TTC6: variants seen among roughly 807,000 people sequenced by gnomAD.
TTC6 encodes the protein tetratricopeptide repeat domain 6.
A neutral mutation model predicts 210.4 loss-of-function variants in TTC6; 172 were observed. The observed-to-expected ratio is 0.82, with a 90% CI of 0.72 to 0.93. The LOEUF (loss-of-function observed/expected upper bound fraction) is 0.93, where lower values mean the gene tolerates loss of function less well. Among genes scored for constraint, TTC6 ranks in the 40% least tolerant of loss-of-function variants. The probability of loss-of-function intolerance (pLI) is 0.00; values close to 1 mark genes in which losing one functional copy is unlikely to be tolerated. For missense variants in TTC6, 2,414 were observed against 2,318.1 expected (o/e 1.04, Z -0.85); for synonymous variants, 804 against 819.6 (o/e 0.98, Z 0.32).
chr14:37,690,538 T>C (rs1026415047), intron 3 of TTC6, among the ~76,000 whole-genome samples: 2 of 152,070 alleles, frequency 1.3e-5, no homozygotes, highest in African/African-American at 4.8e-5. Flanking sequence ...TGGAAAAAGA[T>C]ATTCCATGCC....
chr14:37,679,347 G>A (rs2095777702), intron 1 of TTC6, among the ~76,000 whole-genome samples: 1 of 152,116 alleles, frequency 6.6e-6, no homozygotes, highest in South Asian at 2.1e-4. Flanking sequence ...CAGAACCTGG[G>A]TCTCTTTATT....
chr14:37,749,729 C>G, exon 12 of TTC6: 1 of 1,435,680 alleles, frequency 7.0e-7, no homozygotes, highest in South Asian at 1.5e-5. Context: ...ACTCTTGGAA[C>G]CATTGTTTCT....
intron 4 of TTC6, among the ~76,000 whole-genome samples, chr14:37,700,734 G>A (rs187499918): frequency 2.5e-5 from 3 of 119,940 alleles, no homozygotes; most frequent in Non-Finnish European, 4.9e-5. Context: ...GGGTGACAGA[G>A]TGAGACTCCA....
At chr14:37,725,262 T>C (rs2095869372) in intron 7 of TTC6, among the ~76,000 whole-genome samples, 2 of 142,204 alleles carry the variant, frequency 1.4e-5, no homozygotes, top group South Asian at 4.3e-4. Flanking sequence ...TATATACATG[T>C]ATATATGTAT....
Position 37,827,769 on chromosome 14 carries a change from C to T in TTC6, c.5298+403C>T, listed in dbSNP as rs146638784. On this transcript the variant is annotated intron_variant, in intron 29 of 30. Coordinates refer to ENST00000553443, the Ensembl canonical transcript of TTC6. The stretch of plus-strand genomic sequence containing the variant: ...TATCAGCACCAAAAGTTTTCTCATG[C>T]TCCTTGATATTTTATCCTTCTTTCC... 7.4e-3 allele frequency: 1,146 copies of T among 154,538 alleles called. 14 individuals are homozygous for T. The highest frequency in any genetic ancestry group is 0.027 in the African/African-American group (1,101 of 41,540). 9.6% of individuals were successfully genotyped at this position (154,538 alleles called of 1,614,324 possible). A position where few individuals can be genotyped will look rare whatever the true frequency, so the allele number is the denominator to read the frequency against.
At chr14:37,624,056 T>C (rs556033125) in intron 1 of TTC6, among the ~76,000 whole-genome samples, 12 of 152,198 alleles carry the variant, frequency 7.9e-5, no homozygotes, top group Non-Finnish European at 1.6e-4. Flanking sequence ...TGCTACTGCA[T>C]TATGTCTTTA....
intron 20 of TTC6, among the ~76,000 whole-genome samples, chr14:37,803,433 T>C (rs966808090): frequency 6.6e-6 from 1 of 152,198 alleles, no homozygotes; most frequent in African/African-American, 2.4e-5. Context: ...AGATGACTTA[T>C]CTGTAAGCCC....
At chr14:37,767,830 T>A (rs75373606) in intron 14 of TTC6, among the ~76,000 whole-genome samples, 59,671 of 147,904 alleles carry the variant, frequency 0.4, 13,279 homozygotes, top group Non-Finnish European at 0.5. Flanking sequence ...CAATTTTGAC[T>A]TTTGTTGCCA....
intron 1 of TTC6, among the ~76,000 whole-genome samples, chr14:37,631,484 GT>G (rs1241315847): frequency 2.6e-5 from 4 of 152,214 alleles, no homozygotes; most frequent in African/African-American, 9.6e-5. Context: ...GAGATCCACT[GT>G]TAGTCTGATG....
chr14:37,656,514 CGTGTGTGTGTGT>C (rs35073797), intron 1 of TTC6, among the ~76,000 whole-genome samples: 75 of 147,800 alleles, frequency 5.1e-4, no homozygotes, highest in African/African-American at 1.8e-3. Flanking sequence ...TGTGTGTGTG[CGTGTGTGTGTGT>C]GTGTGTGTGT....
intron 1 of TTC6, among the ~76,000 whole-genome samples, chr14:37,653,196 C>T (rs1429012606): frequency 6.6e-6 from 1 of 152,142 alleles, no homozygotes; most frequent in South Asian, 2.1e-4. Context: ...TGATTGGATC[C>T]CATATCTTCC....
intron 1 of TTC6, among the ~76,000 whole-genome samples, chr14:37,635,981 C>CAAAA (rs71433909): frequency 4.3e-5 from 3 of 70,352 alleles, no homozygotes; most frequent in Admixed American, 1.7e-4. Context: ...ATTCCATTTC[C>CAAAA]AAAAAAAAAA....
At chr14:37,770,153 C>T (rs1252229759) in intron 14 of TTC6, among the ~76,000 whole-genome samples, 1 of 151,828 alleles carries the variant, frequency 6.6e-6, no homozygotes, top group Non-Finnish European at 1.5e-5. Flanking sequence ...TTTGATTGCA[C>T]TGTGGTCTGA....
intron 10 of TTC6, among the ~76,000 whole-genome samples, chr14:37,748,606 T>C (rs1360372343): frequency 6.6e-6 from 1 of 152,184 alleles, no homozygotes; most frequent in Non-Finnish European, 1.5e-5. Flanking sequence ...TTTCTCACGT[T>C]ATGTTTACTT....
At chr14:37,749,341 G>T (rs970262382) in exon 11 of TTC6, 2 of 1,493,356 alleles carry the variant, frequency 1.3e-6, no homozygotes, top group African/African-American at 1.4e-5. Context: ...CATATTGTAG[G>T]CGTGGAGCTA....
At chr14:37,603,939 G>C (rs532258392) in intron 1 of TTC6, among the ~76,000 whole-genome samples, 1 of 152,326 alleles carries the variant, frequency 6.6e-6, no homozygotes, top group South Asian at 2.1e-4. Flanking sequence ...GGGCATGGGA[G>C]TACCCACCTC....
rs977245637 is a variant in TTC6 at position 37,598,975 on chromosome 14, G to C, written c.-235+2967G>C. 6.9e-6 allele frequency among the ~76,000 whole-genome samples: 1 copy of C among 145,154 alleles called. No individual in the cohort carries two copies. Among genetic ancestry groups the C allele is most frequent in the African/African-American group, 2.6e-5 (1 of 38,442 alleles). On this transcript the variant is annotated intron_variant, in intron 1 of 2. Coordinates refer to the TTC6 transcript ENST00000556845. This position sits in a 1 kb window ranked among gnomAD's most constrained non-coding sequence, Gnocchi z 4.9. ...AGAAGCTTAAGTCCTCCTTCTGCAG[G>C]GGAGAATCGGATGCAATGAAACTAA...
chr14:37,623,783 C>T (rs1444770631), intron 1 of TTC6, among the ~76,000 whole-genome samples: 2 of 152,208 alleles, frequency 1.3e-5, no homozygotes, highest in African/African-American at 2.4e-5. Flanking sequence ...CCCATTGATT[C>T]ACTATGACTT....
At chr14:37,658,918 C>T (rs949364617) in intron 1 of TTC6, among the ~76,000 whole-genome samples, 1 of 152,098 alleles carries the variant, frequency 6.6e-6, no homozygotes, top group Non-Finnish European at 1.5e-5. Flanking sequence ...GCTCCTCTCC[C>T]TCCTCCCACC....
Sources: allele counts gnomAD v4.1 joint callset (sites outside exome capture counted in the v4.1 genomes callset), GRCh38; gene constraint gnomAD v4.1.1; non-coding constraint Gnocchi (gnomAD v3.1); transcripts MANE v1.5; gene names NCBI Gene and HGNC (gene_info 2026-07-23, HGNC 2026-07-21).